The following FAM193A variants were observed in gnomAD, a reference collection of about 807,000 sequenced individuals.
FAM193A encodes family with sequence similarity 193 member A, also known as protein FAM193A.
FAM193A carries 22 observed loss-of-function variants against 126.5 expected under a neutral mutation model. That is an observed-to-expected ratio of 0.17 (90% CI 0.12 to 0.25). The LOEUF is 0.25. Ranked by LOEUF, FAM193A falls within the 10% of genes least tolerant of loss-of-function variation. The pLI, the probability that FAM193A is intolerant of heterozygous loss-of-function variation, is 1.00. For missense variants in FAM193A, 1,675 were observed against 1,672.8 expected (o/e 1.00, Z -0.02); for synonymous variants, 761 against 646.8 (o/e 1.18, Z -2.68).
intron 1 of FAM193A, among the ~76,000 whole-genome samples, chr4:2,553,536 A>G (rs747176371): frequency 1.3e-5 from 2 of 151,898 alleles, no homozygotes; most frequent in South Asian, 4.2e-4. Context: ...GCGCACCACC[A>G]TGCCTGGCTA....
intron 2 of FAM193A, among the ~76,000 whole-genome samples, chr4:2,605,285 G>A (rs2108929691): frequency 6.6e-6 from 1 of 152,288 alleles, no homozygotes; most frequent in South Asian, 2.1e-4. Context: ...CTTGCCGGCT[G>A]CTCCTAGTCC....
At chr4:2,608,453 T>A (rs1049422563) in intron 2 of FAM193A, among the ~76,000 whole-genome samples, 1 of 152,078 alleles carries the variant, frequency 6.6e-6, no homozygotes, top group African/African-American at 2.4e-5. Flanking sequence ...CCTCAGATGA[T>A]CTGCCTGCCA....
chr4:2,650,913 G>T (rs1282100115), intron 7 of FAM193A, among the ~76,000 whole-genome samples: 1 of 152,198 alleles, frequency 6.6e-6, no homozygotes, highest in Non-Finnish European at 1.5e-5. Flanking sequence ...CTCCTCCACA[G>T]TCTTGTTAGT....
chr4:2,715,959 C>G, intron 19 of FAM193A, 64 bp from the exon 20 acceptor site: 3 of 935,686 alleles, frequency 3.2e-6, no homozygotes, highest in East Asian at 4.8e-5. Context: ...CAAATGATTT[C>G]TTCCGTTCTG....
chr4:2,691,754 A>G (rs1716405780), intron 15 of FAM193A, among the ~76,000 whole-genome samples: 1 of 149,450 alleles, frequency 6.7e-6, no homozygotes, highest in Non-Finnish European at 1.5e-5. Context: ...AGCCTGGGCA[A>G]CATAGTGAGA....
At chr4:2,728,139 C>G (rs914041413) in intron 20 of FAM193A, among the ~76,000 whole-genome samples, 11 of 151,250 alleles carry the variant, frequency 7.3e-5, no homozygotes, top group Admixed American at 4.6e-4. Context: ...CCATGTTGGT[C>G]AGGCTGGTCT....
At chr4:2,624,816 A>T (rs1228054347) in intron 2 of FAM193A, among the ~76,000 whole-genome samples, 1 of 152,214 alleles carries the variant, frequency 6.6e-6, no homozygotes. Flanking sequence ...TGGTGGGATT[A>T]CAGGCGTGAA....
At chr4:2,646,881 C>G in intron 7 of FAM193A, 49 bp downstream of exon 7, 1 of 1,551,014 alleles carries the variant, frequency 6.4e-7, no homozygotes, top group Non-Finnish European at 8.7e-7. Context: ...CTCAGACGGC[C>G]CTGTTGAAGG....
At chr4:2,631,269 C>A in intron 5 of FAM193A, 100 bp downstream of exon 5, 2 of 1,014,676 alleles carry the variant, frequency 2.0e-6, no homozygotes, top group Admixed American at 2.4e-5. Context: ...CTCGCTGTCA[C>A]ACCCCCACAC....
intron 2 of FAM193A, among the ~76,000 whole-genome samples, chr4:2,613,989 G>A (rs1174013512): frequency 6.7e-6 from 1 of 149,048 alleles, no homozygotes; most frequent in Non-Finnish European, 1.5e-5. Flanking sequence ...TGACCAGGCT[G>A]GTGTTGAACT....
chr4:2,544,182 G>A (rs1367817750), intron 1 of FAM193A, among the ~76,000 whole-genome samples: 2 of 152,100 alleles, frequency 1.3e-5, no homozygotes, highest in Admixed American at 6.6e-5. Context: ...TACCATACAC[G>A]CTTTAGAAAT....
At chr4:2,657,117 G>A (rs568427061) in intron 7 of FAM193A, among the ~76,000 whole-genome samples, 37 of 152,294 alleles carry the variant, frequency 2.4e-4, no homozygotes, top group Non-Finnish European at 4.6e-4. Flanking sequence ...GCATTGAGCC[G>A]AGATTGTGCC....
intron 2 of FAM193A, 32 bp downstream of exon 2, chr4:2,596,361 C>T (rs759918086): frequency 2.3e-5 from 16 of 692,770 alleles, no homozygotes; most frequent in East Asian, 2.2e-4. Flanking sequence ...CAGCGCAGGG[C>T]GTTGGCTCCC....
intron 19 of FAM193A, among the ~76,000 whole-genome samples, chr4:2,702,588 C>T (rs1457562590): frequency 6.6e-6 from 1 of 152,152 alleles, no homozygotes; most frequent in Non-Finnish European, 1.5e-5. Context: ...TATGTACAAG[C>T]CGTGAGTTCC....
chr4:2,595,070 A>T (rs998314883), intron 1 of FAM193A, among the ~76,000 whole-genome samples: 2 of 149,242 alleles, frequency 1.3e-5, no homozygotes, highest in Non-Finnish European at 3.0e-5. Context: ...TTTTTTTGAC[A>T]CGGGGTCTTG....
At chr4:2,711,043 G>A (rs1452963388) in intron 19 of FAM193A, among the ~76,000 whole-genome samples, 31 of 150,652 alleles carry the variant, frequency 2.1e-4, no homozygotes, top group Admixed American at 1.7e-3. Context: ...TAGTAGAGAC[G>A]GGGTTTCACC....
chr4:2,589,781 C>T (rs1740417830), intron 1 of FAM193A, among the ~76,000 whole-genome samples: 2 of 152,150 alleles, frequency 1.3e-5, no homozygotes, highest in Admixed American at 1.3e-4. Flanking sequence ...GAAAAGGGCA[C>T]AGGTATTTTA....
intron 20 of FAM193A, among the ~76,000 whole-genome samples, chr4:2,723,573 C>CAAA (rs35028433): frequency 7.5e-6 from 1 of 133,766 alleles, no homozygotes; most frequent in African/African-American, 2.9e-5. Flanking sequence ...GACTCCGTCT[C>CAAA]AAAAAAAAAA....
At chr4:2,720,738 A>C (rs1265407621) in intron 20 of FAM193A, among the ~76,000 whole-genome samples, 2 of 152,214 alleles carry the variant, frequency 1.3e-5, no homozygotes, top group Admixed American at 1.3e-4. Context: ...AATAGCACCA[A>C]AATCTCTCAC....
Sources: allele counts gnomAD v4.1 joint callset (sites outside exome capture counted in the v4.1 genomes callset), GRCh38; gene constraint gnomAD v4.1.1; transcripts MANE v1.5; gene names NCBI Gene and HGNC (gene_info 2026-07-23, HGNC 2026-07-21).